The following ELOA variants were observed in gnomAD, a reference collection of about 807,000 sequenced individuals.
The protein encoded by ELOA is elongin-A.
Under a neutral mutation model 85.2 loss-of-function variants are expected in ELOA, and 15 were observed. The observed-to-expected ratio is 0.18, with a 90% confidence interval of 0.12 to 0.27. The LOEUF (loss-of-function observed/expected upper bound fraction) is 0.27. Ranked by LOEUF, ELOA falls within the 10% of genes least tolerant of loss-of-function variation. The pLI, the probability that ELOA is intolerant of heterozygous loss-of-function variation, is 1.00. For synonymous variants in ELOA, 348 were observed against 357.2 expected (o/e 0.97, Z 0.29); for missense variants, 769 against 952.7 (o/e 0.81, Z 2.54).
Position 23,759,693 on chromosome 1 carries a change from A to G in ELOA, c.*120A>G. 3 of 1,157,802 alleles carry G rather than the reference A, an allele frequency of 2.6e-6. No homozygotes were observed. Among genetic ancestry groups the G allele is most frequent in the Non-Finnish European group, 3.8e-6 (3 of 789,738 alleles). 71.7% of individuals were successfully genotyped at this position (1,157,802 alleles called of 1,614,324 possible). A position where few individuals can be genotyped will look rare whatever the true frequency, so the allele number is the denominator to read the frequency against. The stretch of plus-strand genomic sequence containing the variant: ...GCTTTGTGGATCCTTTTGGTCTCCG[A>G]GTCCTGCAGTCTGCAGGTGCTGCCC... On this transcript the variant is annotated 3_prime_UTR_variant, in exon 11 of 11. Coordinates refer to ENST00000613537, the MANE Select transcript of ELOA (RefSeq NM_003198.3).
chr1:23,761,118 G>A lies in ELOA; in HGVS notation c.*1545G>A, dbSNP rs1278740173. ...TAGGAAGTCTATTCAGCAGAAACTC[G>A]ACATTGTTCAGTGTGTATTGCTGTG... On this transcript the variant is annotated 3_prime_UTR_variant, in exon 11 of 11. Transcript: ENST00000613537. 1 of 152,160 alleles carries A rather than the reference G, an allele frequency of 6.6e-6. No homozygotes were observed. The highest frequency in any genetic ancestry group is 1.5e-5 in the Non-Finnish European group (1 of 68,038). 9.4% of individuals were successfully genotyped at this position (152,160 alleles called of 1,614,324 possible).
intron 1 of ELOA, among the ~76,000 whole-genome samples, chr1:23,748,314 G>A (rs1002518320): frequency 1.5e-5 from 2 of 137,788 alleles, no homozygotes; most frequent in South Asian, 2.1e-4. Flanking sequence ...ATCACTCATC[G>A]AGTGACAAAG....
Position 23,751,637 on chromosome 1 carries a change from T to G in ELOA, c.1032T>G (p.Gly344=). ...CCAAATTGGACAAAAGCAAGCAAGG[T>G]CTGGACAGCTTTGACACAGGAAAAG... is the stretch of plus-strand genomic sequence containing the variant. ...EKAKLDKSKQ[G]LDSFDTGKGA... is the part of the protein sequence containing the mutation. Residue 344 remains glycine (G), a synonymous_variant, in exon 4 of 11, where the codon GGT becomes GGG. Transcript: ENST00000613537. 3 of 1,613,898 alleles carry G rather than the reference T, an allele frequency of 1.9e-6. No individual in the cohort carries two copies. The East Asian group carries it at 6.7e-5, about 36-fold the overall frequency.
Position 23,751,646 on chromosome 1 carries a change from C to G in ELOA, c.1041C>G (p.Ser347Arg), listed in dbSNP as rs752105529. 1 of 1,614,126 alleles carries G rather than the reference C, an allele frequency of 6.2e-7. No individual in the cohort carries two copies. The highest frequency in any genetic ancestry group is 1.1e-5 in the South Asian group (1 of 91,078). Residue 347 changes from serine (S) to arginine (R), a missense_variant, in exon 4 of 11, where the codon AGC (serine) becomes AGG (arginine). Transcript: ENST00000613537. ...KLDKSKQGLD[S>R]FDTGKGAGDL... ...ACAAAAGCAAGCAAGGTCTGGACAG[C>G]TTTGACACAGGAAAAGGAGCAGGAG... is the stretch of plus-strand genomic sequence containing the variant.
Position 23,760,650 on chromosome 1 carries a change from G to A in ELOA, c.*1077G>A, listed in dbSNP as rs2148390364. 6.6e-6 allele frequency: 1 copy of A among 152,342 alleles called. No homozygotes were observed. Among genetic ancestry groups the A allele is most frequent in the East Asian group, 1.9e-4 (1 of 5,194 alleles). The allele number at this position is 152,342 out of a possible 1,614,324, so 9.4% of individuals were successfully genotyped here. A position where few individuals can be genotyped will look rare whatever the true frequency, so the allele number is the denominator to read the frequency against. On this transcript the variant is annotated 3_prime_UTR_variant, in exon 11 of 11. Coordinates refer to ENST00000613537, the MANE Select transcript of ELOA (RefSeq NM_003198.3). ...TTTTATTGAAAAGGTAAGATCATGT[G>A]ATTGGAAGAACACAACTGTTGGCTT...
intron 4 of ELOA, 116 bp downstream of exon 4, chr1:23,752,146 C>A: frequency 1.9e-6 from 2 of 1,069,780 alleles, no homozygotes; most frequent in Admixed American, 2.8e-5. Flanking sequence ...TGTTGAATTT[C>A]AGTGTGCAGT....
At chr1:23,756,088 TTGG>T in intron 8 of ELOA, 65 bp downstream of exon 8, 1 of 1,568,028 alleles carries the variant, frequency 6.4e-7, no homozygotes, top group South Asian at 1.2e-5. Flanking sequence ...TAGCAGGGTG[TTGG>T]TGGGCTTGGC....
At chr1:23,743,817 G>A (rs1644734176) in intron 1 of ELOA, among the ~76,000 whole-genome samples, 1 of 152,140 alleles carries the variant, frequency 6.6e-6, no homozygotes, top group Admixed American at 6.5e-5. Context: ...ATGGGGGCGC[G>A]CCCGGTGCGG....
rs908750744 is a variant in ELOA at position 23,757,812 on chromosome 1, A to G, written c.2257+687A>G. Among the ~76,000 whole-genome samples the G allele has an allele frequency of 6.1e-4, 81 of 132,740 alleles. No homozygotes were observed. The South Asian group carries it at 8.3e-3, about 14-fold the overall frequency. 87.1% of individuals were successfully genotyped at this position (132,740 alleles called of 152,430 possible). ...TGTGCCCGGCCGACCCTGTCTCTGG[A>G]AAAAAAAAAAAAAAAAAAGTGAAAG... On this transcript the variant is annotated intron_variant, in intron 10 of 10. Coordinates refer to ENST00000613537, the MANE Select transcript of ELOA (RefSeq NM_003198.3).
intron 1 of ELOA, 98 bp from the exon 2 acceptor site, chr1:23,748,923 T>C (rs1183896578): frequency 1.6e-5 from 14 of 898,242 alleles, no homozygotes; most frequent in Middle Eastern, 4.6e-4. Context: ...ATAATACTTA[T>C]ACTCATTACT....
rs752652632 is a variant in ELOA at position 23,752,035 on chromosome 1, C to A, written c.1425+5C>A. 6.3e-7 allele frequency: 1 copy of A among 1,579,368 alleles called. No homozygotes were observed. Among genetic ancestry groups the A allele is most frequent in the Admixed American group, 1.9e-5 (1 of 51,436 alleles). On this transcript the variant is annotated splice_donor_5th_base_variant and intron_variant, in intron 4 of 10. Transcript: ENST00000613537. ...GATTTAGCCAAGCTGAGAAAGGTAA[C>A]CCCTTCAGCCCCTTGGTGGCTTCCC...
chr1:23,755,770 ACT>A (rs1424392092), intron 7 of ELOA, 71 bp from the exon 8 acceptor site: 3 of 1,437,390 alleles, frequency 2.1e-6, no homozygotes, highest in African/African-American at 1.5e-5. Context: ...ACAGAGCAAG[ACT>A]CTGTCTCAAA....
chr1:23,754,928 G>A (rs992163020), intron 7 of ELOA, among the ~76,000 whole-genome samples: 3 of 150,266 alleles, frequency 2.0e-5, no homozygotes, highest in Non-Finnish European at 3.0e-5. Context: ...AAAGTTCTAT[G>A]ACCTAACACC....
At chr1:23,753,484 A>G (rs747171607) in intron 5 of ELOA, among the ~76,000 whole-genome samples, 22 of 152,120 alleles carry the variant, frequency 1.4e-4, no homozygotes, top group Non-Finnish European at 7.4e-5. Context: ...TGTCTGAAAG[A>G]AAAAAATGTC....
intron 5 of ELOA, 60 bp downstream of exon 5, chr1:23,752,578 A>G: frequency 1.3e-6 from 2 of 1,499,506 alleles, no homozygotes; most frequent in Non-Finnish European, 1.8e-6. Flanking sequence ...CATTCAAGGC[A>G]GGGTACAGTG....
chr1:23,749,755 A>T, intron 2 of ELOA, 87 bp from the exon 3 acceptor site: 1 of 1,123,974 alleles, frequency 8.9e-7, no homozygotes, highest in Non-Finnish European at 1.3e-6. Flanking sequence ...TTGCTTGTTG[A>T]GTTTCTCAAA....
chr1:23,750,170 CTTTTTTTTTTTTT>C lies in ELOA; in HGVS notation c.239+233_239+245del, dbSNP rs747972246. On this transcript the variant is annotated intron_variant, in intron 3 of 10. Transcript: ENST00000613537. Reference sequence around the variant, plus strand: ...ACGTTATGAACATTTTGGTACGTTTCTTTTTTTTTTTTTTTTTTTTTTTGAGACAGAGTCTCGC... The same window carrying C: ...ACGTTATGAACATTTTGGTACGTTTCTTTTTTTTTTGAGACAGAGTCTCGC... Among the ~76,000 whole-genome samples the C allele has an allele frequency of 8.8e-5, 8 of 90,536 alleles. No homozygotes were observed. The South Asian group carries it at 1.2e-3, about 14-fold the overall frequency. The allele number at this position is 90,536 out of a possible 152,430, so 59.4% of individuals were successfully genotyped here. A position where few individuals can be genotyped will look rare whatever the true frequency, so the allele number is the denominator to read the frequency against.
At chr1:23,752,377 A>T in intron 4 of ELOA, 30 bp from the exon 5 acceptor site, 1 of 1,592,508 alleles carries the variant, frequency 6.3e-7, no homozygotes. Context: ...CTACTCACTG[A>T]CTCTCCACCC....
At chr1:23,750,256 A>C (rs1010308707) in intron 3 of ELOA, among the ~76,000 whole-genome samples, 2 of 141,080 alleles carry the variant, frequency 1.4e-5, no homozygotes, top group Non-Finnish European at 3.0e-5. Context: ...GCTCACTGCA[A>C]GCTCCGCCTC....
Sources: gnomAD v4.1 joint callset for allele counts (sites outside exome capture counted in the v4.1 genomes callset) on GRCh38, gnomAD v4.1.1 for gene constraint, MANE v1.5 for transcripts, NCBI Gene and HGNC (gene_info 2026-07-23, HGNC 2026-07-21) for gene names.